The following CSGALNACT2 variants were observed in gnomAD, a reference collection of about 807,000 sequenced individuals.
CSGALNACT2 encodes the protein chondroitin sulfate N-acetylgalactosaminyltransferase 2.
CSGALNACT2 carries 35 observed loss-of-function variants against 55.3 expected under a neutral mutation model. The observed-to-expected ratio is 0.63, with a 90% confidence interval of 0.48 to 0.84. The LOEUF (loss-of-function observed/expected upper bound fraction) is 0.84. Among genes scored for constraint, CSGALNACT2 ranks in the 40% least tolerant of loss-of-function variants. CSGALNACT2 has a pLI of 0.00. For missense variants in CSGALNACT2, 544 were observed against 657.5 expected (o/e 0.83, Z 1.89); for synonymous variants, 196 against 224.9 (o/e 0.87, Z 1.15).
intron 6 of CSGALNACT2, among the ~76,000 whole-genome samples, chr10:43,168,457 A>C (rs932506596): frequency 3.3e-5 from 5 of 152,126 alleles, no homozygotes; most frequent in Non-Finnish European, 5.9e-5. Context: ...TCTCAAAAAA[A>C]CAAAACAAAA....
chr10:43,162,944 G>T (rs1453510094), intron 4 of CSGALNACT2: 1 of 985,228 alleles, frequency 1.0e-6, no homozygotes, highest in East Asian at 1.1e-4. Flanking sequence ...CTTTAACCTT[G>T]CATGGGAGGT....
At chr10:43,146,775 A>G (rs560746604) in intron 1 of CSGALNACT2, among the ~76,000 whole-genome samples, 1 of 151,310 alleles carries the variant, frequency 6.6e-6, no homozygotes, top group African/African-American at 2.4e-5. Context: ...TGTTAAGTTC[A>G]TAACTTATTA....
chr10:43,174,195 C>T (rs1449841418), intron 6 of CSGALNACT2, among the ~76,000 whole-genome samples: 1 of 151,640 alleles, frequency 6.6e-6, no homozygotes, highest in African/African-American at 2.4e-5. Flanking sequence ...GAAGTTCTCC[C>T]CCTCAGCTCA....
At chr10:43,148,627 A>G (rs1351670066) in intron 1 of CSGALNACT2, among the ~76,000 whole-genome samples, 1 of 151,870 alleles carries the variant, frequency 6.6e-6, no homozygotes, top group East Asian at 1.9e-4. Flanking sequence ...TTCCTATTTT[A>G]TTCTTTTTGA....
intron 1 of CSGALNACT2, among the ~76,000 whole-genome samples, chr10:43,140,269 AC>A (rs1244044665): frequency 3.9e-5 from 6 of 152,230 alleles, no homozygotes. Flanking sequence ...CTATAGAATG[AC>A]TGAGTCATGG....
intron 1 of CSGALNACT2, among the ~76,000 whole-genome samples, chr10:43,138,909 C>T: frequency 6.6e-6 from 1 of 152,214 alleles, no homozygotes; most frequent in East Asian, 1.9e-4. Context: ...CCCTCAGCCC[C>T]TCTTTATCTG....
At chr10:43,158,551 G>A (rs900783039) in intron 2 of CSGALNACT2, among the ~76,000 whole-genome samples, 164 bp from the exon 3 acceptor site, 1 of 151,964 alleles carries the variant, frequency 6.6e-6, no homozygotes, top group Non-Finnish European at 1.5e-5. Flanking sequence ...TCTTTTAAGC[G>A]AGTAATTGTT....
intron 1 of CSGALNACT2, among the ~76,000 whole-genome samples, chr10:43,147,575 T>A (rs1315617805): frequency 6.6e-6 from 1 of 152,194 alleles, no homozygotes; most frequent in South Asian, 2.1e-4. Context: ...GATTTTATCC[T>A]ATGCTTGCTT....
At chr10:43,145,126 G>A (rs1240496175) in intron 1 of CSGALNACT2, among the ~76,000 whole-genome samples, 2 of 152,108 alleles carry the variant, frequency 1.3e-5, no homozygotes, top group East Asian at 1.9e-4. Context: ...ACAAGTTTTG[G>A]TATTGTTAAA....
chr10:43,162,854 T>A (rs1839181603), intron 4 of CSGALNACT2: 6 of 976,544 alleles, frequency 6.1e-6, no homozygotes, highest in Non-Finnish European at 6.1e-6. Flanking sequence ...GCTGTGGGTT[T>A]GGGGGCCTCA....
At position 43,183,345 on chromosome 10, in the gene CSGALNACT2, G is replaced by A. The variant is rs1218185585; in HGVS notation, c.1432G>A (p.Val478Ile). ...TGACCTCATTGTGATTCGGACTCCG[G>A]TTCCTGGTCTTTTCCACCTCTGGCA... Reference protein sequence around the residue: ...HGDLIVIRTPVPGLFHLWHEK... With the variant: ...HGDLIVIRTPIPGLFHLWHEK... Residue 478 changes from valine to isoleucine, a missense_variant, in exon 8 of 8, where the codon GTT becomes ATT. Physicochemically the swap from Val to Ile is conservative, Grantham distance 29. Transcript: ENST00000374466. 2 of 1,613,988 alleles carry A rather than the reference G, an allele frequency of 1.2e-6. No individual in the cohort carries two copies.
At chr10:43,175,607 G>A (rs1564520733) in intron 6 of CSGALNACT2, among the ~76,000 whole-genome samples, 1 of 152,144 alleles carries the variant, frequency 6.6e-6, no homozygotes, top group Non-Finnish European at 1.5e-5. Flanking sequence ...CAGGAAGGGG[G>A]TTGGGGGAAT....
rs374031130 is a variant in CSGALNACT2, at chr10:43,155,565, T to A, written c.416T>A (p.Leu139Gln). 24 of 1,614,108 alleles carry A rather than the reference T, an allele frequency of 1.5e-5. 1 individual carries two copies. Among genetic ancestry groups the A allele is most frequent in the Non-Finnish European group, 1.9e-5 (23 of 1,180,050 alleles). The change falls in exon 2 of 8, where the codon CTA becomes CAA. Residue 139 changes from leucine to glutamine, a missense_variant. Around this residue, in one of 2 missense-constraint regions of CSGALNACT2, gnomAD observed 374 missense variants for 401.3 expected, o/e 0.93. Transcript: ENST00000374466. Reference sequence around the variant, plus strand: ...GCTGAAGTTAGCATAGGGGCCAAACTACCCAGTGAGTATGGGGTCATTCCC... The same window carrying A: ...GCTGAAGTTAGCATAGGGGCCAAACAACCCAGTGAGTATGGGGTCATTCCC... ...DKAEVSIGAK[L>Q]PSEYGVIPFE...
Position 43,147,175 on chromosome 10 carries a change from C to T in CSGALNACT2, c.-253-7722C>T, listed in dbSNP as rs191749241. On this transcript the variant is annotated intron_variant, in intron 1 of 7. Coordinates refer to ENST00000374466, the MANE Select transcript of CSGALNACT2 (RefSeq NM_018590.5). ...TATTTTTAGTAGAGACGGGGTTTCA[C>T]CGTTTTAGCCGGGATGGTCTCGATC... Among the ~76,000 whole-genome samples the T allele has an allele frequency of 6.5e-3, 979 of 151,318 alleles. 12 individuals carry two copies. The highest frequency in any genetic ancestry group is 0.026 in the Admixed American group (391 of 15,214).
chr10:43,160,549 AAAG>A lies in CSGALNACT2; in HGVS notation c.938_940del (p.Glu313del), dbSNP rs1564515161. 11 of 1,598,216 alleles carry A rather than the reference AAAG, an allele frequency of 6.9e-6. No individual in the cohort carries two copies. Among genetic ancestry groups the A allele is most frequent in the Non-Finnish European group, 9.4e-6 (11 of 1,166,222 alleles). On this transcript the variant is annotated inframe_deletion, in exon 4 of 8. Transcript: ENST00000374466. ...TCATCTCACAGTGGTGTATTTTGGT[AAAG>A]AAGGACTGTCTAAAGTCAAGTCTAT...
chr10:43,152,672 T>C (rs1309314161), intron 1 of CSGALNACT2, among the ~76,000 whole-genome samples: 5 of 152,200 alleles, frequency 3.3e-5, no homozygotes, highest in African/African-American at 1.2e-4. Context: ...AGAAAACATA[T>C]GAGGTACCAT....
At chr10:43,170,639 C>T (rs1315610503) in intron 6 of CSGALNACT2, among the ~76,000 whole-genome samples, 1 of 151,908 alleles carries the variant, frequency 6.6e-6, no homozygotes, top group East Asian at 1.9e-4. Context: ...TTAAGTCTTC[C>T]TTACAGAATT....
intron 1 of CSGALNACT2, among the ~76,000 whole-genome samples, chr10:43,139,196 G>A (rs537037682): frequency 6.6e-6 from 1 of 152,306 alleles, no homozygotes; most frequent in South Asian, 2.1e-4. Flanking sequence ...ATGGGATGTC[G>A]TGACGTTTCA....
rs572124608 is a variant in CSGALNACT2, at chr10:43,159,456, T to C, written c.878+525T>C. Reference sequence around the variant, plus strand: ...TGGGACCACAGGTGCATGCCATCTTTTTTATTCTTTGTAGAGAGAAGGTCT... The same window carrying C: ...TGGGACCACAGGTGCATGCCATCTTCTTTATTCTTTGTAGAGAGAAGGTCT... On this transcript the variant is annotated intron_variant, in intron 3 of 7. Transcript: ENST00000374466. 9.2e-4 allele frequency among the ~76,000 whole-genome samples: 140 copies of C among 152,108 alleles called. 1 individual carries two copies. Among genetic ancestry groups the C allele is most frequent in the African/African-American group, 3.2e-3 (131 of 41,510 alleles).
Sources: allele counts gnomAD v4.1 joint callset (sites outside exome capture counted in the v4.1 genomes callset), GRCh38; gene constraint gnomAD v4.1.1; regional missense constraint gnomAD v4.1.1; transcripts MANE v1.5; gene names NCBI Gene and HGNC (gene_info 2026-07-23, HGNC 2026-07-21).